NCOR2: variants seen among roughly 807,000 people sequenced by gnomAD.
NCOR2 encodes the protein nuclear receptor corepressor 2.
In NCOR2, 81 loss-of-function variants were observed where a neutral mutation model predicts 262.9. The observed-to-expected ratio is 0.31, with a 90% CI of 0.26 to 0.37. The LOEUF (loss-of-function observed/expected upper bound fraction) is 0.37, where lower values mean the gene tolerates loss of function less well. Among genes scored for constraint, NCOR2 ranks in the 10% least tolerant of loss-of-function variants. NCOR2 has a pLI of 1.00. For missense variants in NCOR2, 3,385 were observed against 3,621.4 expected (o/e 0.93, Z 1.68); for synonymous variants, 1,659 against 1,559.3 (o/e 1.06, Z -1.51).
intron 38 of NCOR2, 190 bp downstream of exon 40, chr12:124,336,563 G>A (rs1292271324): frequency 2.1e-6 from 2 of 971,792 alleles, no homozygotes; most frequent in Non-Finnish European, 2.4e-6. Flanking sequence ...AAAAAAACGG[G>A]GGCCAAAGTA....
chr12:124,483,590 G>A lies in NCOR2; in HGVS notation c.411+6C>T. On this transcript the variant is annotated splice_donor_region_variant and intron_variant, in intron 3 of 46. Transcript: ENST00000405201. The surrounding 1 kb of genome is among the most constrained non-coding windows in gnomAD (Gnocchi z 6.3). ...GAGGAGCTCCCAGCTGGGGGCCCAG[G>A]CTTACCTTGGTGAGGTCTTCAGATC... 6.3e-7 allele frequency: 1 copy of A among 1,580,698 alleles called. No individual in the cohort carries two copies. The highest frequency in any genetic ancestry group is 8.6e-7 in the Non-Finnish European group (1 of 1,164,716).
At position 124,382,656 on chromosome 12, in the gene NCOR2, C is replaced by T. The variant is rs577310883; in HGVS notation, c.2019+3089G>A. Among the ~76,000 whole-genome samples, 13 of 152,360 alleles carry T rather than the reference C, an allele frequency of 8.5e-5. No homozygotes were observed. In the East Asian group the frequency reaches 1.5e-3, roughly 18 times the overall value. On this transcript the variant is annotated intron_variant, in intron 17 of 46. Coordinates refer to ENST00000405201, the Ensembl canonical transcript of NCOR2. The stretch of plus-strand genomic sequence containing the variant: ...CCCCACTCCCTCCACGGTCCACTAA[C>T]GAAGTGTTAGCTCCACAGCCCAGCA...
chr12:124,330,934 G>T, intron 43 of NCOR2, 36 bp from the exon 46 acceptor site: 1 of 1,562,634 alleles, frequency 6.4e-7, no homozygotes, highest in Non-Finnish European at 8.7e-7. Context: ...AGGCCCCCAG[G>T]TCTCTGGGAA....
chr12:124,387,519 C>G (rs2040904291), intron 16 of NCOR2, among the ~76,000 whole-genome samples: 1 of 152,208 alleles, frequency 6.6e-6, no homozygotes, highest in Non-Finnish European at 1.5e-5. Flanking sequence ...CGTGGGGCCC[C>G]AGACTTCCTG....
chr12:124,430,666 T>C, exon 9 of NCOR2: 6 of 1,614,102 alleles, frequency 3.7e-6, no homozygotes, highest in Non-Finnish European at 5.1e-6. Context: ...AGGGAACTGC[T>C]TCTCGTAGTA....
At position 124,549,346 on chromosome 12, in the gene NCOR2, C is replaced by T. The variant is rs1469119241; in HGVS notation, c.-164-13735G>A. Among the ~76,000 whole-genome samples the T allele has an allele frequency of 1.3e-5, 2 of 152,128 alleles. No homozygotes were observed. Among genetic ancestry groups the T allele is most frequent in the Non-Finnish European group, 2.9e-5 (2 of 68,012 alleles). On this transcript the variant is annotated intron_variant, in intron 1 of 32. Transcript: ENST00000458234. This position sits in a 1 kb window ranked among gnomAD's most constrained non-coding sequence, Gnocchi z 4.4. ...CCGCTTGGCCGGGTGGCCCACTGCC[C>T]GTCTGGCTTTCGAGGAGATAAGCCG... is the stretch of plus-strand genomic sequence containing the variant.
At chr12:124,340,641 G>A in exon 35 of NCOR2, 1 of 1,498,008 alleles carries the variant, frequency 6.7e-7, no homozygotes, top group African/African-American at 1.4e-5. Context: ...CTGCTGAAGG[G>A]CTGGGGCGCG....
In NCOR2 at chr12:124,548,378, G is replaced by A. The variant is rs1332250583; in HGVS notation, c.-164-12767C>T. ...CCAGAGTCTCATGGACCTTCTGATG[G>A]GATCCCTCTGGCTGCAACTCAGAGA... On this transcript the variant is annotated intron_variant, in intron 1 of 32. Transcript: ENST00000458234. This position sits in a 1 kb window ranked among gnomAD's most constrained non-coding sequence, Gnocchi z 5.1. 1.3e-5 allele frequency among the ~76,000 whole-genome samples: 2 copies of A among 152,120 alleles called. No homozygotes were observed.
intron 3 of NCOR2, among the ~76,000 whole-genome samples, chr12:124,479,926 C>G (rs886162578): frequency 1.3e-5 from 2 of 152,240 alleles, no homozygotes; most frequent in Non-Finnish European, 2.9e-5. Context: ...CAGACCCAGC[C>G]TCCTTGGGCT....
chr12:124,446,227 G>C (rs751932233), intron 7 of NCOR2, among the ~76,000 whole-genome samples: 13 of 152,082 alleles, frequency 8.5e-5, no homozygotes, highest in Non-Finnish European at 1.5e-4. Context: ...CCAGTGACAG[G>C]GTGCTCACTA....
chr12:124,387,849 G>A (rs891341662), intron 16 of NCOR2, among the ~76,000 whole-genome samples: 2 of 152,298 alleles, frequency 1.3e-5, no homozygotes, highest in African/African-American at 2.4e-5. Flanking sequence ...CCCGGCACCC[G>A]GGTGGGAGAG....
At chr12:124,370,970 C>T (rs2039456811) in intron 20 of NCOR2, among the ~76,000 whole-genome samples, 4 of 152,180 alleles carry the variant, frequency 2.6e-5, no homozygotes. Context: ...ACATGTTGAA[C>T]CTGTGGCTTT....
chr12:124,390,533 G>A (rs905913189), intron 16 of NCOR2, among the ~76,000 whole-genome samples: 10 of 135,862 alleles, frequency 7.4e-5, no homozygotes, highest in East Asian at 7.1e-4. Flanking sequence ...AGCTTTCACC[G>A]CCTCTGAAAT....
At chr12:124,407,983 A>G (rs1385953801) in intron 13 of NCOR2, among the ~76,000 whole-genome samples, 1 of 152,242 alleles carries the variant, frequency 6.6e-6, no homozygotes, top group Non-Finnish European at 1.5e-5. Context: ...CCTCGGATTC[A>G]GTCTCCTGTC....
intron 7 of NCOR2, among the ~76,000 whole-genome samples, chr12:124,445,337 G>A (rs925536436): frequency 2.6e-5 from 4 of 152,138 alleles, no homozygotes; most frequent in South Asian, 2.1e-4. Flanking sequence ...CGGCTGCCCC[G>A]GCCCCGCCCC....
chr12:124,340,755 CG>C lies in NCOR2; in HGVS notation c.5189-5del. 6.5e-7 allele frequency: 1 copy of C among 1,532,092 alleles called. No individual in the cohort carries two copies. 94.9% of individuals were successfully genotyped at this position (1,532,092 alleles called of 1,614,324 possible). A position where few individuals can be genotyped will look rare whatever the true frequency, so the allele number is the denominator to read the frequency against. On this transcript the variant is annotated splice_polypyrimidine_tract_variant and splice_region_variant and intron_variant, in intron 34 of 46. Transcript: ENST00000405201. ...ACTTGGGACAGGTCGATGATGCCTG[CG>C]GGAGGTGTTGGGCCAGGGCTGTAGC...
intron 15 of NCOR2, among the ~76,000 whole-genome samples, 178 bp from the exon 18 acceptor site, chr12:124,398,359 C>T (rs1425301796): frequency 2.6e-5 from 4 of 152,258 alleles, no homozygotes; most frequent in South Asian, 2.1e-4. Flanking sequence ...CAGTACCCAC[C>T]GTGGCACCTG....
At chr12:124,491,334 A>G (rs551894261) in intron 1 of NCOR2, among the ~76,000 whole-genome samples, 2 of 152,366 alleles carry the variant, frequency 1.3e-5, no homozygotes, top group Admixed American at 1.3e-4. Flanking sequence ...AGGACTCTGC[A>G]CCTACCAACT....
At chr12:124,413,817 G>A (rs1052610731) in intron 13 of NCOR2, among the ~76,000 whole-genome samples, 8 of 152,130 alleles carry the variant, frequency 5.3e-5, no homozygotes, top group South Asian at 2.1e-4. Context: ...ATATGGTAAC[G>A]GCGGAGGCAC....
Sources: allele counts gnomAD v4.1 joint callset (sites outside exome capture counted in the v4.1 genomes callset), GRCh38; gene constraint gnomAD v4.1.1; non-coding constraint Gnocchi (gnomAD v3.1); transcripts MANE v1.5; gene names NCBI Gene and HGNC (gene_info 2026-07-23, HGNC 2026-07-21).